Variants in OR7E24 observed in about 807,000 individuals in gnomAD.
The protein encoded by OR7E24 is olfactory receptor family 7 subfamily E member 24.
For synonymous variants in OR7E24, 130 were observed against 157.5 expected (o/e 0.83, Z 1.31); for missense variants, 385 against 410.3 (o/e 0.94, Z 0.53).
In OR7E24 at chr19:9,251,547, T is replaced by A. The variant is rs1421409879; in HGVS notation, c.504T>A (p.Phe168Leu). The A allele has an allele frequency of 6.2e-7, 1 of 1,614,164 alleles. No individual in the cohort carries two copies. The highest frequency in any genetic ancestry group is 8.5e-7 in the Non-Finnish European group (1 of 1,180,008). Residue 168 changes from phenylalanine to leucine, a missense_variant, in exon 1 of 1, where the codon TTT becomes TTA. Transcript: ENST00000456448. ...LCGFLILLSF[F>L]ISLLDSQLHN... ...GCTTCTTAATCTTGTTGTCTTTTTT[T>A]ATTAGTCTTTTGGACTCCCAGTTGC...
the OR7E24 span, among the ~76,000 whole-genome samples, chr19:9,223,489 G>C: frequency 6.6e-6 from 1 of 152,108 alleles, no homozygotes; most frequent in Non-Finnish European, 1.5e-5. Context: ...TGTCTACACT[G>C]TTTCATCATT....
At chr19:9,207,118 CATT>C in the OR7E24 span, 1 of 152,158 alleles carries the variant, frequency 6.6e-6, no homozygotes, top group Non-Finnish European at 1.5e-5. Flanking sequence ...TACAGATTGT[CATT>C]ATGCTGGGAA....
the OR7E24 span, chr19:9,213,993 G>T: frequency 6.2e-7 from 1 of 1,614,108 alleles, no homozygotes; most frequent in Non-Finnish European, 8.5e-7. Flanking sequence ...CAGCATGGGG[G>T]TGACCATGGC....
At chr19:9,217,623 C>T in the OR7E24 span, among the ~76,000 whole-genome samples, 1 of 152,148 alleles carries the variant, frequency 6.6e-6, no homozygotes, top group African/African-American at 2.4e-5. Context: ...ACTGCAACCT[C>T]TGCCTCCCAG....
the OR7E24 span, among the ~76,000 whole-genome samples, chr19:9,221,121 A>C: frequency 6.6e-6 from 1 of 151,402 alleles, no homozygotes; most frequent in Non-Finnish European, 1.5e-5. Context: ...AAATACAAAA[A>C]ATTAGCCGGG....
chr19:9,250,858 T>C (rs371107000), upstream of OR7E24: 166 of 522,362 alleles, frequency 3.2e-4, 1 homozygote, highest in African/African-American at 2.9e-3. Context: ...TTCAATAGAC[T>C]GTCTCTAAGT....
At chr19:9,235,139 G>A in the OR7E24 span, 1 of 1,027,644 alleles carries the variant, frequency 9.7e-7, no homozygotes, top group Non-Finnish European at 1.5e-6. Context: ...AGACACAACA[G>A]CTACATGGAA....
chr19:9,238,366 A>G, the OR7E24 span, among the ~76,000 whole-genome samples: 2 of 152,190 alleles, frequency 1.3e-5, no homozygotes, highest in Non-Finnish European at 2.9e-5. Context: ...TTCATTGAGC[A>G]TCTTTCCACA....
the OR7E24 span, among the ~76,000 whole-genome samples, chr19:9,218,426 T>C: frequency 4.8e-4 from 73 of 152,184 alleles, no homozygotes; most frequent in African/African-American, 1.7e-3. Flanking sequence ...AAAAAATGCA[T>C]TTGAAAAAGA....
chr19:9,246,462 G>A (rs1405743225), upstream of OR7E24, among the ~76,000 whole-genome samples: 1 of 135,612 alleles, frequency 7.4e-6, no homozygotes, highest in East Asian at 2.2e-4. Context: ...TACCCTTAAA[G>A]GTATTGTGTG....
chr19:9,232,538 C>CAAAAAA, the OR7E24 span, among the ~76,000 whole-genome samples: 3 of 62,550 alleles, frequency 4.8e-5, no homozygotes, highest in Non-Finnish European at 6.7e-5. Flanking sequence ...AACTCCGTCG[C>CAAAAAA]AAAAAAAAAA....
upstream of OR7E24, among the ~76,000 whole-genome samples, chr19:9,245,032 C>T (rs753760419): frequency 4.0e-5 from 6 of 151,124 alleles, no homozygotes; most frequent in Non-Finnish European, 8.8e-5. Context: ...GGTGAAACTC[C>T]GTTTCTAGTA....
At chr19:9,245,854 C>T (rs557316953), upstream of OR7E24, among the ~76,000 whole-genome samples, 250 of 152,130 alleles carry the variant, frequency 1.6e-3, 2 homozygotes, top group Non-Finnish European at 2.4e-3. Flanking sequence ...GGGCCTCATG[C>T]CAAACAACTC....
chr19:9,244,966 G>A (rs936675106), upstream of OR7E24, among the ~76,000 whole-genome samples: 1 of 152,184 alleles, frequency 6.6e-6, no homozygotes, highest in African/African-American at 2.4e-5. Context: ...CACTCTGGGA[G>A]GCCAAGGCGG....
At chr19:9,246,942 A>G (rs2066132216), upstream of OR7E24, among the ~76,000 whole-genome samples, 1 of 152,202 alleles carries the variant, frequency 6.6e-6, no homozygotes, top group Non-Finnish European at 1.5e-5. Flanking sequence ...ATGGTTGTAC[A>G]ACATTGTGAA....
the OR7E24 span, among the ~76,000 whole-genome samples, chr19:9,218,854 AGG>A: frequency 2.3e-4 from 35 of 152,142 alleles, no homozygotes; most frequent in African/African-American, 8.2e-4. Flanking sequence ...GGCTGGTCTC[AGG>A]GTCCTGGCCT....
chr19:9,231,763 G>A, the OR7E24 span, among the ~76,000 whole-genome samples: 5 of 151,930 alleles, frequency 3.3e-5, no homozygotes, highest in Non-Finnish European at 7.4e-5. Context: ...TATTAAGCCT[G>A]TTTGCTATTA....
the OR7E24 span, among the ~76,000 whole-genome samples, chr19:9,228,150 T>C: frequency 2.0e-5 from 3 of 152,182 alleles, no homozygotes; most frequent in Non-Finnish European, 4.4e-5. Flanking sequence ...GTATAAGCAT[T>C]CCTTTTTCTC....
At chr19:9,206,617 T>TAAAATTGTTTTGTTC in the OR7E24 span, 5 of 152,170 alleles carry the variant, frequency 3.3e-5, no homozygotes. Flanking sequence ...GGTCCTCAAG[T>TAAAATTGTTTTGTTC]AAAATTGTTT....
Sources: allele counts gnomAD v4.1 joint callset (sites outside exome capture counted in the v4.1 genomes callset), GRCh38; gene constraint gnomAD v4.1.1; transcripts MANE v1.5; gene names NCBI Gene and HGNC (gene_info 2026-07-23, HGNC 2026-07-21).